Variants in MGAT4C observed in about 807,000 individuals in gnomAD.
MGAT4C encodes the protein alpha-1,3-mannosyl-glycoprotein 4-beta-N-acetylglucosaminyltransferase C.
A neutral mutation model predicts 40.1 loss-of-function variants in MGAT4C; 19 were observed. The ratio of observed to expected loss-of-function variants is 0.47; its 90% CI spans 0.33 to 0.70. The LOEUF (loss-of-function observed/expected upper bound fraction) is 0.70, where lower values mean the gene tolerates loss of function less well. MGAT4C is among the 30% of genes least tolerant of loss of function. MGAT4C has a pLI of 0.02. For synonymous variants in MGAT4C, 181 were observed against 187.1 expected, an observed-to-expected ratio of 0.97 and a Z score of 0.27; for missense variants, 491 against 563.2, an observed-to-expected ratio of 0.87 and a Z score of 1.30.
chr12:86,126,454 T>A (rs1880281075), intron 1 of MGAT4C, among the ~76,000 whole-genome samples: 1 of 152,150 alleles, frequency 6.6e-6, no homozygotes, highest in African/African-American at 2.4e-5. Flanking sequence ...ACCGTTGTAC[T>A]AAATTTGGCA....
intron 3 of MGAT4C, among the ~76,000 whole-genome samples, chr12:86,358,219 C>T (rs184129872): frequency 8.3e-4 from 127 of 152,218 alleles, no homozygotes; most frequent in Non-Finnish European, 9.1e-4. Context: ...ATTTCATATC[C>T]AGCCAAACTA....
chr12:86,657,735 A>T (rs547781709), intron 2 of MGAT4C, among the ~76,000 whole-genome samples: 1 of 152,014 alleles, frequency 6.6e-6, no homozygotes, highest in Non-Finnish European at 1.5e-5. Flanking sequence ...GGATTTTATT[A>T]AAAATGTGGC....
chr12:86,779,739 T>C (rs989583612), intron 1 of MGAT4C, among the ~76,000 whole-genome samples: 2 of 151,708 alleles, frequency 1.3e-5, no homozygotes, highest in Admixed American at 1.3e-4. Flanking sequence ...CGGTGAAACC[T>C]CATCTCTACT....
chr12:86,509,817 G>A (rs1238044067), intron 2 of MGAT4C, among the ~76,000 whole-genome samples: 1 of 152,064 alleles, frequency 6.6e-6, no homozygotes, highest in Admixed American at 6.6e-5. Context: ...TATTCTCTTT[G>A]TAGCAATTGT....
At chr12:86,217,709 C>T in intron 1 of MGAT4C, among the ~76,000 whole-genome samples, 1 of 152,024 alleles carries the variant, frequency 6.6e-6, no homozygotes, top group East Asian at 1.9e-4. Flanking sequence ...GAAAACAACT[C>T]TATATGCAAA....
Position 86,564,293 on chromosome 12 carries a change from C to CTT in MGAT4C, c.-228-129030_-228-129029dup, listed in dbSNP as rs774461834. ...ATGCAACCATTGATTTGGCAAATCC[C>CTT]TTTTTTTTTTTCTATTCCTGTCTAT... On this transcript the variant is annotated intron_variant, in intron 2 of 7. Coordinates refer to the MGAT4C transcript ENST00000548651. Among the ~76,000 whole-genome samples, 462 of 147,766 alleles carry CTT rather than the reference C, an allele frequency of 3.1e-3. 1 individual carries two copies. Among genetic ancestry groups the CTT allele is most frequent in the Middle Eastern group, 7.2e-3 (2 of 278 alleles).
intron 2 of MGAT4C, among the ~76,000 whole-genome samples, chr12:86,715,288 A>C (rs1302418155): frequency 2.0e-5 from 3 of 152,164 alleles, no homozygotes; most frequent in Non-Finnish European, 4.4e-5. Flanking sequence ...AAGAAAACAG[A>C]AACAAAAAAG....
At chr12:86,281,715 T>C (rs1953223572) in intron 4 of MGAT4C, among the ~76,000 whole-genome samples, 1 of 152,034 alleles carries the variant, frequency 6.6e-6, no homozygotes, top group Admixed American at 6.6e-5. Flanking sequence ...TTATAATGTA[T>C]TATTGTATTT....
intron 1 of MGAT4C, among the ~76,000 whole-genome samples, chr12:86,194,040 T>A (rs1023479505): frequency 6.6e-5 from 10 of 152,150 alleles, no homozygotes; most frequent in African/African-American, 1.9e-4. Flanking sequence ...TTTGATCATG[T>A]CTAATAAATC....
intron 3 of MGAT4C, among the ~76,000 whole-genome samples, chr12:86,385,100 T>G (rs1479240083): frequency 1.3e-5 from 2 of 152,224 alleles, no homozygotes; most frequent in East Asian, 3.8e-4. Context: ...TGTAGTTTCC[T>G]ACAGTATTCC....
At position 86,514,111 on chromosome 12, in the gene MGAT4C, A is replaced by C. The variant is rs577540367; in HGVS notation, c.-228-78846T>G. ...ACACACACACACACACACACACACA[A>C]CCCCGGCTTAGTAGAGATTTGGAGA... is the stretch of plus-strand genomic sequence containing the variant. On this transcript the variant is annotated intron_variant, in intron 2 of 7. Coordinates refer to the MGAT4C transcript ENST00000548651. Among the ~76,000 whole-genome samples, 17 of 126,660 alleles carry C rather than the reference A, an allele frequency of 1.3e-4. 1 individual carries two copies. Among genetic ancestry groups the C allele is most frequent in the African/African-American group, 4.1e-4 (13 of 31,558 alleles). The allele number at this position is 126,660 out of a possible 152,430, so 83.1% of individuals were successfully genotyped here.
chr12:86,042,543 A>T (rs905671492), intron 2 of MGAT4C, among the ~76,000 whole-genome samples: 7 of 152,160 alleles, frequency 4.6e-5, no homozygotes, highest in Non-Finnish European at 8.8e-5. Flanking sequence ...TCTGAAAAGA[A>T]TCTTACATGT....
At position 86,009,072 on chromosome 12, in the gene MGAT4C, A is replaced by T. The variant is rs1400202337; in HGVS notation, c.-6-19520T>A. Among the ~76,000 whole-genome samples the T allele has an allele frequency of 1.3e-4, 20 of 152,218 alleles. No individual in the cohort carries two copies. The East Asian group carries it at 3.9e-3, about 29-fold the overall frequency. On this transcript the variant is annotated intron_variant, in intron 2 of 4. Coordinates refer to ENST00000611864, the MANE Select transcript of MGAT4C (RefSeq NM_001351288.2). The stretch of plus-strand genomic sequence containing the variant: ...TCCAATATTGTTGTCAGCTTTTGCT[A>T]TTGGAGTGCCAATCTCAGAGAAACC...
chr12:86,591,011 T>A (rs1961308511), intron 2 of MGAT4C, among the ~76,000 whole-genome samples: 1 of 151,878 alleles, frequency 6.6e-6, no homozygotes, highest in Non-Finnish European at 1.5e-5. Context: ...TTCTTGGGAG[T>A]ATATGTTACA....
At chr12:86,454,419 G>A (rs766180431) in intron 2 of MGAT4C, among the ~76,000 whole-genome samples, 1 of 151,898 alleles carries the variant, frequency 6.6e-6, no homozygotes, top group Admixed American at 6.6e-5. Context: ...GTAGAGATGG[G>A]TTTTGCCATG....
At chr12:86,285,751 C>T (rs2136122831) in intron 4 of MGAT4C, among the ~76,000 whole-genome samples, 1 of 151,962 alleles carries the variant, frequency 6.6e-6, no homozygotes, top group South Asian at 2.1e-4. Context: ...TACAGTTATG[C>T]TCATGTCCAT....
intron 4 of MGAT4C, among the ~76,000 whole-genome samples, chr12:86,275,143 A>C (rs1953040742): frequency 6.6e-6 from 1 of 152,230 alleles, no homozygotes; most frequent in Non-Finnish European, 1.5e-5. Flanking sequence ...AACAAGTATG[A>C]AATGTCACTT....
At chr12:85,995,096 G>T (rs1479625687) in intron 2 of MGAT4C, among the ~76,000 whole-genome samples, 2 of 152,142 alleles carry the variant, frequency 1.3e-5, no homozygotes, top group African/African-American at 4.8e-5. Context: ...CACAGTTGAT[G>T]ACTTTTTTTC....
intron 3 of MGAT4C, among the ~76,000 whole-genome samples, chr12:86,410,494 C>G (rs779635065): frequency 6.6e-6 from 1 of 152,158 alleles, no homozygotes; most frequent in Non-Finnish European, 1.5e-5. Flanking sequence ...TGCCCGACCA[C>G]ACAGGCGGTC....
Sources: gnomAD v4.1 joint callset for allele counts (sites outside exome capture counted in the v4.1 genomes callset) on GRCh38, gnomAD v4.1.1 for gene constraint, MANE v1.5 for transcripts, NCBI Gene and HGNC (gene_info 2026-07-23, HGNC 2026-07-21) for gene names.